The following SLC38A1 variants were observed in gnomAD, a reference collection of about 807,000 sequenced individuals.
The protein encoded by SLC38A1 is sodium-coupled neutral amino acid symporter 1.
In SLC38A1, 18 loss-of-function variants were observed where a neutral mutation model predicts 60.3. The observed-to-expected ratio is 0.30, with a 90% confidence interval of 0.21 to 0.44. SLC38A1 has a LOEUF of 0.44. SLC38A1 is among the 20% of genes least tolerant of loss of function. The pLI is 1.00. For missense variants in SLC38A1, 448 were observed against 587.2 expected (o/e 0.76, Z 2.45); for synonymous variants, 196 against 212.1 (o/e 0.92, Z 0.66).
intron 1 of SLC38A1, among the ~76,000 whole-genome samples, chr12:46,256,636 C>CACACAGAGAGAGAGAG (rs142176282): frequency 8.1e-6 from 1 of 123,204 alleles, no homozygotes; most frequent in African/African-American, 3.4e-5. Flanking sequence ...CACACACACA[C>CACACAGAGAGAGAGAG]AGAGAGAGAG....
chr12:46,251,128 T>C (rs533155297), intron 1 of SLC38A1, among the ~76,000 whole-genome samples: 1 of 152,332 alleles, frequency 6.6e-6, no homozygotes, highest in South Asian at 2.1e-4. Context: ...AACAGCATGG[T>C]ACTGGTACCA....
intron 5 of SLC38A1, among the ~76,000 whole-genome samples, chr12:46,216,390 C>T (rs1003967376): frequency 3.3e-5 from 5 of 152,240 alleles, no homozygotes; most frequent in Middle Eastern, 3.4e-3. Flanking sequence ...CAGGGGTTTT[C>T]CAGGCAAGTG....
At chr12:46,248,542 A>T (rs1027698436) in intron 1 of SLC38A1, among the ~76,000 whole-genome samples, 1 of 152,172 alleles carries the variant, frequency 6.6e-6, no homozygotes, top group African/African-American at 2.4e-5. Flanking sequence ...AAGTCCTTAG[A>T]GACCTGCAAA....
At chr12:46,238,459 T>C (rs1166377661) in intron 3 of SLC38A1, among the ~76,000 whole-genome samples, 1 of 152,190 alleles carries the variant, frequency 6.6e-6, no homozygotes, top group Admixed American at 6.5e-5. Flanking sequence ...AGATGCCTGG[T>C]TAGTTGACAT....
intron 5 of SLC38A1, among the ~76,000 whole-genome samples, chr12:46,217,463 C>T (rs919874602): frequency 1.3e-5 from 2 of 152,160 alleles, no homozygotes; most frequent in Non-Finnish European, 2.9e-5. Context: ...TACTTTATTT[C>T]ATTTATTTTA....
In SLC38A1 at chr12:46,260,793, C is replaced by T. The variant is rs527758687; in HGVS notation, c.-209+7733G>A. 1.3e-5 allele frequency among the ~76,000 whole-genome samples: 2 copies of T among 152,286 alleles called. 1 individual carries two copies. Among genetic ancestry groups the T allele is most frequent in the East Asian group, 3.9e-4 (2 of 5,188 alleles). On this transcript the variant is annotated intron_variant, in intron 1 of 16. Transcript: ENST00000398637. Reference sequence around the variant, plus strand: ...AACATTCCTTCACAAAATCCTTTTCCTTTCCCTTATTCCTTACAGTTTCAC... The same window carrying T: ...AACATTCCTTCACAAAATCCTTTTCTTTTCCCTTATTCCTTACAGTTTCAC...
intron 2 of SLC38A1, among the ~76,000 whole-genome samples, chr12:46,242,725 T>C (rs1245136486): frequency 6.6e-6 from 1 of 152,142 alleles, no homozygotes; most frequent in East Asian, 1.9e-4. Context: ...CATCTGAGCC[T>C]AGGGAGGTCA....
intron 12 of SLC38A1, among the ~76,000 whole-genome samples, chr12:46,202,628 G>A (rs1023384737): frequency 1.3e-5 from 2 of 152,122 alleles, no homozygotes; most frequent in Admixed American, 1.3e-4. Flanking sequence ...AATCAGAGAC[G>A]ATGTATTTAG....
intron 1 of SLC38A1, among the ~76,000 whole-genome samples, chr12:46,260,527 C>T (rs540550338): frequency 2.3e-4 from 35 of 152,316 alleles, no homozygotes; most frequent in South Asian, 1.9e-3. Flanking sequence ...CAGGTTCTTT[C>T]CTTCTCAGAA....
intron 3 of SLC38A1, chr12:46,239,098 T>A (rs1231958775): frequency 6.6e-6 from 1 of 152,332 alleles, no homozygotes; most frequent in Non-Finnish European, 1.5e-5. Flanking sequence ...CAGAGCTTGG[T>A]TGGGGTTCAA....
At chr12:46,210,878 G>A (rs1940134455) in intron 5 of SLC38A1, among the ~76,000 whole-genome samples, 1 of 152,042 alleles carries the variant, frequency 6.6e-6, no homozygotes. Flanking sequence ...GTCTTTATCA[G>A]GAGCATGAAA....
chr12:46,214,503 A>G (rs1175050586), intron 5 of SLC38A1, among the ~76,000 whole-genome samples: 1 of 152,238 alleles, frequency 6.6e-6, no homozygotes, highest in Admixed American at 6.5e-5. Flanking sequence ...TAAAAGTACC[A>G]TATGCTAATA....
intron 4 of SLC38A1, 140 bp from the exon 5 acceptor site, chr12:46,229,408 C>G: frequency 2.5e-6 from 2 of 810,974 alleles, no homozygotes; most frequent in Non-Finnish European, 4.0e-6. Context: ...TAGTTATTTC[C>G]TTGAATGGAT....
At chr12:46,257,167 G>T (rs865815193) in intron 1 of SLC38A1, among the ~76,000 whole-genome samples, 1 of 152,140 alleles carries the variant, frequency 6.6e-6, no homozygotes, top group African/African-American at 2.4e-5. Flanking sequence ...GGAGGAAAAA[G>T]CATTCCGTGT....
chr12:46,199,435 T>C (rs1010547153), intron 13 of SLC38A1, among the ~76,000 whole-genome samples: 1 of 151,742 alleles, frequency 6.6e-6, no homozygotes, highest in Non-Finnish European at 1.5e-5. Context: ...CTGCAACCTC[T>C]GCTTCATGGG....
rs1369309215 is a variant in SLC38A1 at position 46,268,166 on chromosome 12, T to C, written c.-209+360A>G. 6.6e-6 allele frequency among the ~76,000 whole-genome samples: 1 copy of C among 152,088 alleles called. No homozygotes were observed. Among genetic ancestry groups the C allele is most frequent in the Non-Finnish European group, 1.5e-5 (1 of 67,996 alleles). ...GCCCTCGGGTCAGCTGCGCTCTCCCTCCAGACGTGCGTGGTTCCTGGCTCT... is the reference window on the plus strand; with the variant it reads ...GCCCTCGGGTCAGCTGCGCTCTCCCCCCAGACGTGCGTGGTTCCTGGCTCT... On this transcript the variant is annotated intron_variant, in intron 1 of 16. Transcript: ENST00000398637. This position sits in a 1 kb window ranked among gnomAD's most constrained non-coding sequence, Gnocchi z 4.4.
intron 1 of SLC38A1, 61 bp from the exon 2 acceptor site, chr12:46,243,375 G>T (rs1172856250): frequency 6.6e-6 from 1 of 152,162 alleles, no homozygotes; most frequent in Non-Finnish European, 1.5e-5. Context: ...AAATGGAAAT[G>T]ATACCAAACA....
At chr12:46,250,167 G>A (rs1941784301) in intron 1 of SLC38A1, among the ~76,000 whole-genome samples, 1 of 152,208 alleles carries the variant, frequency 6.6e-6, no homozygotes, top group East Asian at 1.9e-4. Flanking sequence ...TCTCTGGGAT[G>A]CAAGGTTGGT....
At chr12:46,256,953 C>T (rs969087793) in intron 1 of SLC38A1, among the ~76,000 whole-genome samples, 10 of 152,068 alleles carry the variant, frequency 6.6e-5, no homozygotes, top group Admixed American at 2.0e-4. Flanking sequence ...GTAAGATGGT[C>T]ACCCTGAGTA....
Sources: allele counts gnomAD v4.1 joint callset (sites outside exome capture counted in the v4.1 genomes callset), GRCh38; gene constraint gnomAD v4.1.1; non-coding constraint Gnocchi (gnomAD v3.1); transcripts MANE v1.5; gene names NCBI Gene and HGNC (gene_info 2026-07-23, HGNC 2026-07-21).